CLDN12: variants seen among roughly 807,000 people sequenced by gnomAD.
CLDN12 encodes the protein claudin-12.
CLDN12 carries 9 observed loss-of-function variants against 15.5 expected under a neutral mutation model. The observed-to-expected ratio is 0.58, with a 90% CI of 0.35 to 1.02. The LOEUF (loss-of-function observed/expected upper bound fraction) is 1.02. Among genes scored for constraint, CLDN12 ranks in the 50% least tolerant of loss-of-function variants. The pLI, the probability that CLDN12 is intolerant of heterozygous loss-of-function variation, is 0.02. For missense variants in CLDN12, 233 were observed against 297.3 expected, an observed-to-expected ratio of 0.78 and a Z score of 1.59; for synonymous variants, 140 against 121.6, an observed-to-expected ratio of 1.15 and a Z score of -1.00.
intron 2 of CLDN12, among the ~76,000 whole-genome samples, 196 bp from the exon 3 acceptor site, chr7:90,411,811 C>G (rs1796969742): frequency 6.6e-6 from 1 of 152,128 alleles, no homozygotes; most frequent in South Asian, 2.1e-4. Context: ...ATTTAACATT[C>G]ATTCAATGAA....
chr7:90,405,854 C>G (rs978500870), intron 2 of CLDN12: 5 of 152,182 alleles, frequency 3.3e-5, no homozygotes, highest in African/African-American at 1.2e-4. Flanking sequence ...AACCCTAGCG[C>G]TTTGAGAGGC....
In CLDN12 at chr7:90,404,110, G is replaced by T. The variant is rs149264342; in HGVS notation, c.-167+561G>T. 1.5e-3 allele frequency among the ~76,000 whole-genome samples: 225 copies of T among 152,122 alleles called. 5 individuals carry two copies. In the East Asian group the frequency reaches 0.037, roughly 25 times the overall value. ...GCTTTCCTGTAAGTTCTGTGCACCC[G>T]GCCTTGTAAGGGGCCCATAGCCACG... On this transcript the variant is annotated intron_variant, in intron 1 of 3. Transcript: ENST00000496677.
intron 3 of CLDN12, 39 bp from the exon 4 acceptor site, chr7:90,412,605 G>C: frequency 6.6e-7 from 1 of 1,512,204 alleles, no homozygotes; most frequent in Non-Finnish European, 9.0e-7. Context: ...TTCTGCTATT[G>C]TCCCCTCATG....
In CLDN12 at chr7:90,412,934, C is replaced by A. The variant is rs1796996690; in HGVS notation, c.258C>A (p.Leu86=). ...TTGACCAGCTGGACCTGCGTGTCCTCCAGTTTGCCCTACCCCTCAGCATGC... is the reference window on the plus strand; with the variant it reads ...TTGACCAGCTGGACCTGCGTGTCCTACAGTTTGCCCTACCCCTCAGCATGC... ...SSVDQLDLRV[L]QFALPLSMLI... is the part of the protein sequence containing the mutation. Residue 86 remains leucine, a synonymous_variant, in exon 4 of 4, where the codon CTC becomes CTA. Transcript: ENST00000496677. 1 of 1,614,054 alleles carries A rather than the reference C, an allele frequency of 6.2e-7. No homozygotes were observed. The highest frequency in any genetic ancestry group is 8.5e-7 in the Non-Finnish European group (1 of 1,180,030).
chr7:90,410,076 G>A (rs961491736), intron 2 of CLDN12, among the ~76,000 whole-genome samples: 1 of 150,184 alleles, frequency 6.7e-6, no homozygotes, highest in Non-Finnish European at 1.5e-5. Context: ...AATCACTTGT[G>A]TGCCAGGCAC....
intron 2 of CLDN12, among the ~76,000 whole-genome samples, chr7:90,407,588 CA>C (rs139136039): frequency 6.6e-6 from 1 of 152,080 alleles, no homozygotes; most frequent in African/African-American, 2.4e-5. Flanking sequence ...GTGAACAAAA[CA>C]AAGGGATCTC....
At position 90,413,279 on chromosome 7, in the gene CLDN12, T is replaced by G. The variant is rs955988159; in HGVS notation, c.603T>G (p.Ser201=). Residue 201 remains serine, a synonymous_variant, in exon 4 of 4, where the codon TCT becomes TCG. Coordinates refer to ENST00000496677, the MANE Select transcript of CLDN12 (RefSeq NM_001185072.3). ...ILFIWYCTCK[S]LPSPFWQPLY... ...TTATTTGGTATTGTACATGCAAATC[T>G]TTGCCTTCTCCTTTCTGGCAACCAT... 18 of 1,614,204 alleles carry G rather than the reference T, an allele frequency of 1.1e-5. No individual in the cohort carries two copies. Among genetic ancestry groups the G allele is most frequent in the Non-Finnish European group, 1.4e-5 (17 of 1,180,036 alleles).
In CLDN12 at chr7:90,412,863, G is replaced by A. The variant is rs200164858; in HGVS notation, c.187G>A (p.Gly63Arg). 2.7e-5 allele frequency: 43 copies of A among 1,614,174 alleles called. No homozygotes were observed. Among genetic ancestry groups the A allele is most frequent in the African/African-American group, 5.3e-5 (4 of 75,040 alleles). ...GLWVKCARYD[G>R]SSDCLMYDTT... ...GTGGGTGAAATGTGCCCGGTATGAC[G>A]GGAGCAGTGACTGCCTGATGTACGA... The change falls in exon 4 of 4, where the codon GGG becomes AGG. Residue 63 changes from glycine to arginine, a missense_variant. By Grantham distance (125) the Gly-to-Arg change is moderately radical (BLOSUM62 -2). Transcript: ENST00000496677.
In CLDN12 at chr7:90,413,033, C is replaced by T. The variant is rs373294317; in HGVS notation, c.357C>T (p.Asn119=). The T allele has an allele frequency of 7.4e-6, 12 of 1,614,034 alleles. No individual in the cohort carries two copies. In the African/African-American group the frequency reaches 9.3e-5, roughly 13 times the overall value. Residue 119 remains asparagine, a synonymous_variant, in exon 4 of 4, where the codon AAC becomes AAT. Coordinates refer to ENST00000496677, the MANE Select transcript of CLDN12 (RefSeq NM_001185072.3). The part of the protein sequence containing the change: ...CNTAFRSSVP[N]IKLAKCLVNS... Reference sequence around the variant, plus strand: ...CTGCCTTCAGGTCCTCGGTGCCCAACATCAAACTGGCCAAGTGTCTGGTCA... The same window carrying T: ...CTGCCTTCAGGTCCTCGGTGCCCAATATCAAACTGGCCAAGTGTCTGGTCA...
rs1421044873 is a variant in CLDN12, at chr7:90,414,266, G to A, written c.*855G>A. ...TTCTCTTTCAGACATAATTTAGTAG[G>A]GGACAAGAAGTCTGTTCTTCAGTGA... On this transcript the variant is annotated 3_prime_UTR_variant, in exon 4 of 4. Coordinates refer to ENST00000496677, the MANE Select transcript of CLDN12 (RefSeq NM_001185072.3). 1 of 1,000,104 alleles carries A rather than the reference G, an allele frequency of 1.0e-6. No homozygotes were observed. Among genetic ancestry groups the A allele is most frequent in the African/African-American group, 1.7e-5 (1 of 57,206 alleles). The allele number at this position is 1,000,104 out of a possible 1,614,324, so 62.0% of individuals were successfully genotyped here. A position where few individuals can be genotyped will look rare whatever the true frequency, so the allele number is the denominator to read the frequency against.
At chr7:90,411,689 A>G (rs1250804320) in intron 2 of CLDN12, among the ~76,000 whole-genome samples, 1 of 152,174 alleles carries the variant, frequency 6.6e-6, no homozygotes, top group Non-Finnish European at 1.5e-5. Flanking sequence ...AATTTCAGGG[A>G]CCATTGTTCT....
intron 2 of CLDN12, 59 bp downstream of exon 2, chr7:90,405,667 C>A (rs1299444977): frequency 6.6e-6 from 1 of 152,184 alleles, no homozygotes; most frequent in East Asian, 1.9e-4. Context: ...CATCTGCCAA[C>A]AATGACTCTT....
At chr7:90,407,893 T>G (rs1796874381) in intron 2 of CLDN12, among the ~76,000 whole-genome samples, 1 of 152,180 alleles carries the variant, frequency 6.6e-6, no homozygotes, top group East Asian at 1.9e-4. Flanking sequence ...TTTGGCTGCA[T>G]AGACTGTAGT....
At chr7:90,404,581 A>G (rs1248556405) in intron 1 of CLDN12, among the ~76,000 whole-genome samples, 2 of 152,146 alleles carry the variant, frequency 1.3e-5, no homozygotes, top group Non-Finnish European at 2.9e-5. Flanking sequence ...ATTCAGATCA[A>G]CTTTGTCTGG....
rs556800887 is a variant in CLDN12, at chr7:90,415,374, G to T, written c.*1963G>T. The T allele has an allele frequency of 2.4e-5, 4 of 167,046 alleles. No individual in the cohort carries two copies. Among genetic ancestry groups the T allele is most frequent in the Non-Finnish European group, 4.4e-5 (3 of 68,080 alleles). The allele number at this position is 167,046 out of a possible 1,614,324, so 10.3% of individuals were successfully genotyped here. A position where few individuals can be genotyped will look rare whatever the true frequency, so the allele number is the denominator to read the frequency against. On this transcript the variant is annotated 3_prime_UTR_variant, in exon 4 of 4. Coordinates refer to ENST00000496677, the MANE Select transcript of CLDN12 (RefSeq NM_001185072.3). ...CTATGCTTTTGTCCAGAAGGATCAA[G>T]AATTCTACCATCCCTTGGGTCTTTG...
rs1455939440 is a variant in CLDN12, at chr7:90,414,454, T to G, written c.*1043T>G. The G allele has an allele frequency of 4.3e-6, 4 of 934,420 alleles. No individual in the cohort carries two copies. In the East Asian group the frequency reaches 4.7e-4, roughly 110 times the overall value. 57.9% of individuals were successfully genotyped at this position (934,420 alleles called of 1,614,324 possible). ...CTGCCTAACACTTTAGTAGGTGCTA[T>G]AGAGGATACATGAAAAGTATGAGAT... On this transcript the variant is annotated 3_prime_UTR_variant, in exon 4 of 4. Transcript: ENST00000496677.
At position 90,414,735 on chromosome 7, in the gene CLDN12, C is replaced by T. The variant is rs772162884; in HGVS notation, c.*1324C>T. On this transcript the variant is annotated 3_prime_UTR_variant, in exon 4 of 4. Transcript: ENST00000496677. ...TGCTAGCCTAGATTTTGTAATAACA[C>T]TGATTTATGAGAATGGACAAAAGTG... 1 of 167,064 alleles carries T rather than the reference C, an allele frequency of 6.0e-6. No homozygotes were observed. Among genetic ancestry groups the T allele is most frequent in the Non-Finnish European group, 1.5e-5 (1 of 68,120 alleles). The allele number at this position is 167,064 out of a possible 1,614,324, so 10.3% of individuals were successfully genotyped here. A position where few individuals can be genotyped will look rare whatever the true frequency, so the allele number is the denominator to read the frequency against.
intron 2 of CLDN12, 38 bp from the exon 3 acceptor site, chr7:90,411,969 C>G (rs1314947298): frequency 3.9e-5 from 6 of 152,278 alleles, no homozygotes; most frequent in South Asian, 4.2e-4. Context: ...ATAGAACAAC[C>G]CTGCAAGGTT....
At chr7:90,409,721 A>G (rs1796918699) in intron 2 of CLDN12, among the ~76,000 whole-genome samples, 1 of 152,148 alleles carries the variant, frequency 6.6e-6, no homozygotes, top group South Asian at 2.1e-4. Flanking sequence ...TACCTTATTC[A>G]CTTTGCTTAA....
Sources: allele counts gnomAD v4.1 joint callset (sites outside exome capture counted in the v4.1 genomes callset), GRCh38; gene constraint gnomAD v4.1.1; transcripts MANE v1.5; gene names NCBI Gene and HGNC (gene_info 2026-07-23, HGNC 2026-07-21).